HTR7: variants seen among roughly 807,000 people sequenced by gnomAD.
The protein encoded by HTR7 is 5-hydroxytryptamine receptor 7, also known as 5-HT-7.
Under a neutral mutation model 34.0 loss-of-function variants are expected in HTR7, and 16 were observed. The observed-to-expected ratio is 0.47, with a 90% CI of 0.32 to 0.71. The LOEUF (loss-of-function observed/expected upper bound fraction) is 0.71. Ranked by LOEUF, HTR7 falls within the 30% of genes least tolerant of loss-of-function variation. HTR7 has a pLI of 0.04. For missense variants in HTR7, 504 were observed against 625.5 expected, an observed-to-expected ratio of 0.81 and a Z score of 2.07; for synonymous variants, 265 against 260.2, an observed-to-expected ratio of 1.02 and a Z score of -0.18.
rs201207525 is a variant in HTR7 at position 90,743,915 on chromosome 10, G to C, written c.1296-225C>G. ...CTTCATTACCCCAGGGAAAATTTTC[G>C]AGTGCCTGATGAACTCCTGAGGTTC... On this transcript the variant is annotated intron_variant, in intron 2 of 3. Transcript: ENST00000336152. 224 of 676,100 alleles carry C rather than the reference G, an allele frequency of 3.3e-4. 1 individual carries two copies. The highest frequency in any genetic ancestry group is 5.8e-5 in the Non-Finnish European group (21 of 359,774). 41.9% of individuals were successfully genotyped at this position (676,100 alleles called of 1,614,324 possible). A position where few individuals can be genotyped will look rare whatever the true frequency, so the allele number is the denominator to read the frequency against.
At chr10:90,746,648 T>C (rs1400274673) in intron 2 of HTR7, among the ~76,000 whole-genome samples, 1 of 152,202 alleles carries the variant, frequency 6.6e-6, no homozygotes, top group Non-Finnish European at 1.5e-5. Flanking sequence ...CAGAAGACTA[T>C]ATGCCAACAA....
In HTR7 at chr10:90,827,070, AAAG is replaced by A. The variant is rs1189073392; in HGVS notation, c.539+30060_539+30062del. ...CATACCACAAATATGCAAAAAATAA[AAAG>A]AAACAAATTCAACCATACCACTAGA... On this transcript the variant is annotated intron_variant, in intron 1 of 3. Coordinates refer to ENST00000336152, the MANE Select transcript of HTR7 (RefSeq NM_019859.4). 5.3e-5 allele frequency among the ~76,000 whole-genome samples: 8 copies of A among 152,246 alleles called. No homozygotes were observed. The East Asian group carries it at 1.2e-3, about 22-fold the overall frequency.
intron 1 of HTR7, among the ~76,000 whole-genome samples, chr10:90,775,799 C>T (rs1210739035): frequency 1.3e-5 from 2 of 152,178 alleles, no homozygotes; most frequent in Non-Finnish European, 2.9e-5. Flanking sequence ...TTTCTATTCA[C>T]TGACTTTCTT....
chr10:90,763,500 AAGGTTT>A (rs1428413802), intron 1 of HTR7, among the ~76,000 whole-genome samples: 3 of 152,034 alleles, frequency 2.0e-5, no homozygotes, highest in African/African-American at 7.2e-5. Context: ...GCAGAACATG[AAGGTTT>A]GTTACATACG....
At chr10:90,745,937 A>T (rs1450036418) in intron 2 of HTR7, among the ~76,000 whole-genome samples, 2 of 152,214 alleles carry the variant, frequency 1.3e-5, no homozygotes, top group African/African-American at 4.8e-5. Flanking sequence ...CAGGAAAACA[A>T]CACCCAAGCC....
chr10:90,743,719 C>T lies in HTR7; in HGVS notation c.1296-29G>A, dbSNP rs55802807. ...CAATTTATGGCAATTCAAAGCAAAT[C>T]CATAAGTAAATCAAATTTTAAAAGA... On this transcript the variant is annotated intron_variant, in intron 2 of 3. Coordinates refer to ENST00000336152, the MANE Select transcript of HTR7 (RefSeq NM_019859.4). The T allele has an allele frequency of 1.4e-4, 207 of 1,505,478 alleles. No homozygotes were observed. In the East Asian group the frequency reaches 4.6e-3, roughly 33 times the overall value. The allele number at this position is 1,505,478 out of a possible 1,614,324, so 93.3% of individuals were successfully genotyped here. A position where few individuals can be genotyped will look rare whatever the true frequency, so the allele number is the denominator to read the frequency against.
intron 1 of HTR7, among the ~76,000 whole-genome samples, chr10:90,822,857 G>T (rs7893260): frequency 0.17 from 25,183 of 152,132 alleles, 3,250 homozygotes; most frequent in African/African-American, 0.34. Flanking sequence ...ATCTAAAAGA[G>T]GCCAAGGTAC....
chr10:90,763,305 T>C (rs1844968704), intron 1 of HTR7, among the ~76,000 whole-genome samples: 1 of 152,226 alleles, frequency 6.6e-6, no homozygotes, highest in African/African-American at 2.4e-5. Context: ...TTCTTCAATT[T>C]CCTTCATCAA....
At chr10:90,775,581 C>G in intron 1 of HTR7, among the ~76,000 whole-genome samples, 1 of 152,190 alleles carries the variant, frequency 6.6e-6, no homozygotes, top group East Asian at 1.9e-4. Context: ...CAGGGCCCAG[C>G]AGGCAACTAT....
At position 90,796,904 on chromosome 10, in the gene HTR7, C is replaced by T. The variant is rs1177956787; in HGVS notation, c.540-47310G>A. Among the ~76,000 whole-genome samples, 6 of 151,222 alleles carry T rather than the reference C, an allele frequency of 4.0e-5. No individual in the cohort carries two copies. In the South Asian group the frequency reaches 6.3e-4, roughly 16 times the overall value. On this transcript the variant is annotated intron_variant, in intron 1 of 3. Coordinates refer to ENST00000336152, the MANE Select transcript of HTR7 (RefSeq NM_019859.4). The stretch of plus-strand genomic sequence containing the variant: ...GCAGGCGCCTGTAGTCCCAGTTACT[C>T]GGGAGGCTGAGGCAGGAGAATGGCG...
At chr10:90,822,197 CTAGAGA>C (rs1845994471) in intron 1 of HTR7, among the ~76,000 whole-genome samples, 2 of 152,090 alleles carry the variant, frequency 1.3e-5, no homozygotes, top group South Asian at 4.1e-4. Context: ...TTGGAACTTC[CTAGAGA>C]CTTGTTAAAT....
At chr10:90,800,345 C>T (rs966524000) in intron 1 of HTR7, among the ~76,000 whole-genome samples, 1 of 152,092 alleles carries the variant, frequency 6.6e-6, no homozygotes, top group South Asian at 2.1e-4. Context: ...TCTAAGCCCC[C>T]AACTGACTGA....
At chr10:90,764,288 CA>C (rs1844984110) in intron 1 of HTR7, among the ~76,000 whole-genome samples, 1 of 150,434 alleles carries the variant, frequency 6.6e-6, no homozygotes, top group African/African-American at 2.5e-5. Context: ...ATCCTTTGCC[CA>C]TTTTTTGATG....
At chr10:90,786,154 G>A (rs938007295) in intron 1 of HTR7, among the ~76,000 whole-genome samples, 1 of 152,158 alleles carries the variant, frequency 6.6e-6, no homozygotes, top group African/African-American at 2.4e-5. Context: ...AGAAGAGCAG[G>A]CAGATTAACA....
At chr10:90,772,877 T>TATC (rs1305378658) in intron 1 of HTR7, among the ~76,000 whole-genome samples, 33 of 152,170 alleles carry the variant, frequency 2.2e-4, no homozygotes, top group Non-Finnish European at 4.3e-4. Flanking sequence ...TAGATATTAT[T>TATC]ATCATCCCTA....
At chr10:90,774,165 A>G (rs1845166274) in intron 1 of HTR7, among the ~76,000 whole-genome samples, 1 of 152,170 alleles carries the variant, frequency 6.6e-6, no homozygotes, top group Admixed American at 6.5e-5. Flanking sequence ...CAGGAGCTCA[A>G]ATGATACCAT....
intron 1 of HTR7, among the ~76,000 whole-genome samples, chr10:90,813,208 T>C (rs1350271038): frequency 6.6e-6 from 1 of 152,196 alleles, no homozygotes; most frequent in African/African-American, 2.4e-5. Flanking sequence ...TTAAAAGCTG[T>C]ATTGCTCACA....
chr10:90,848,287 C>G (rs1401295470), intron 1 of HTR7, among the ~76,000 whole-genome samples: 1 of 152,156 alleles, frequency 6.6e-6, no homozygotes, highest in Non-Finnish European at 1.5e-5. Flanking sequence ...GTCTCGAACT[C>G]CAGACCTCAG....
At chr10:90,787,594 A>G (rs1357372508) in intron 1 of HTR7, among the ~76,000 whole-genome samples, 1 of 152,188 alleles carries the variant, frequency 6.6e-6, no homozygotes, top group Non-Finnish European at 1.5e-5. Flanking sequence ...CTATAGTGCT[A>G]AGTGCTTTAC....
Sources: allele counts gnomAD v4.1 joint callset (sites outside exome capture counted in the v4.1 genomes callset), GRCh38; gene constraint gnomAD v4.1.1; transcripts MANE v1.5; gene names NCBI Gene and HGNC (gene_info 2026-07-23, HGNC 2026-07-21).